The following ASB3 variants were observed in gnomAD, a reference collection of about 807,000 sequenced individuals.
The protein encoded by ASB3 is ankyrin repeat and SOCS box protein 3.
In ASB3, 41 loss-of-function variants were observed where a neutral mutation model predicts 54.5. The observed-to-expected ratio is 0.75, with a 90% CI of 0.59 to 0.98. ASB3 has a LOEUF of 0.98. Ranked by LOEUF, ASB3 falls within the 50% of genes least tolerant of loss-of-function variation. The pLI is 0.00. For missense variants in ASB3, 733 were observed against 620.0 expected (o/e 1.18, Z -1.94); for synonymous variants, 266 against 221.2 (o/e 1.20, Z -1.80).
intron 2 of ASB3, among the ~76,000 whole-genome samples, chr2:53,765,068 A>G (rs1220516031): frequency 5.9e-5 from 9 of 152,238 alleles, no homozygotes; most frequent in Non-Finnish European, 1.3e-4. Flanking sequence ...AGGAAGAAAG[A>G]ATAAACATGA....
In ASB3 at chr2:53,729,654, TACTC is replaced by T. The variant is rs1671192850; in HGVS notation, c.356-88_356-85del. On this transcript the variant is annotated intron_variant, in intron 3 of 9. Coordinates refer to ENST00000263634, the MANE Select transcript of ASB3 (RefSeq NM_016115.5). ...ACACTTTGGTGATGTTCTCATCACTTACTCACCTCAGAACCACAATGCTCTGATT... is the reference window on the plus strand; with the variant it reads ...ACACTTTGGTGATGTTCTCATCACTTACCTCAGAACCACAATGCTCTGATT... 5 of 1,151,904 alleles carry T rather than the reference TACTC, an allele frequency of 4.3e-6. No individual in the cohort carries two copies. In the South Asian group the frequency reaches 6.5e-5, roughly 15 times the overall value. The allele number at this position is 1,151,904 out of a possible 1,614,324, so 71.4% of individuals were successfully genotyped here. A position where few individuals can be genotyped will look rare whatever the true frequency, so the allele number is the denominator to read the frequency against.
At chr2:53,760,680 T>G (rs568602193) in intron 2 of ASB3, among the ~76,000 whole-genome samples, 1 of 152,200 alleles carries the variant, frequency 6.6e-6, no homozygotes, top group East Asian at 1.9e-4. Context: ...TAGGCATTGA[T>G]AGCACCCATC....
At chr2:53,756,263 G>A (rs1002772406) in intron 2 of ASB3, among the ~76,000 whole-genome samples, 4 of 152,118 alleles carry the variant, frequency 2.6e-5, no homozygotes, top group Non-Finnish European at 5.9e-5. Context: ...TCTAATAGTA[G>A]AATCCAGCAG....
chr2:53,715,558 A>G (rs1417675306), intron 6 of ASB3, among the ~76,000 whole-genome samples: 1 of 152,216 alleles, frequency 6.6e-6, no homozygotes, highest in Non-Finnish European at 1.5e-5. Flanking sequence ...TAAAGTTCAG[A>G]GTACAATATC....
chr2:53,686,918 C>T (rs1261884124), intron 9 of ASB3, among the ~76,000 whole-genome samples: 4 of 152,088 alleles, frequency 2.6e-5, no homozygotes, highest in Non-Finnish European at 5.9e-5. Context: ...ACAGGTTTCT[C>T]CATGTTTGTC....
At chr2:53,762,524 T>C (rs1395697740) in intron 2 of ASB3, among the ~76,000 whole-genome samples, 1 of 152,214 alleles carries the variant, frequency 6.6e-6, no homozygotes, top group Non-Finnish European at 1.5e-5. Context: ...TTATTTAACA[T>C]GAACTAATAA....
At chr2:53,702,762 A>C (rs1669561323) in intron 7 of ASB3, among the ~76,000 whole-genome samples, 1 of 152,238 alleles carries the variant, frequency 6.6e-6, no homozygotes, top group East Asian at 1.9e-4. Flanking sequence ...GTGCTCACAC[A>C]TAAAAGAAGC....
At chr2:53,681,332 G>T (rs1352583227) in intron 9 of ASB3, among the ~76,000 whole-genome samples, 1 of 152,144 alleles carries the variant, frequency 6.6e-6, no homozygotes, top group East Asian at 1.9e-4. Flanking sequence ...TCTTCTCTTT[G>T]TTGACCGTTT....
chr2:53,714,287 A>G, intron 7 of ASB3, 97 bp downstream of exon 7: 1 of 1,445,664 alleles, frequency 6.9e-7, no homozygotes, highest in Non-Finnish European at 9.3e-7. Flanking sequence ...TAGCACTAAC[A>G]GAGATACTAA....
chr2:53,744,384 C>CAAAAA lies in ASB3; in HGVS notation c.355+6394_355+6398dup, dbSNP rs779225958. Reference sequence around the variant, plus strand: ...GGGCAGACAGAGCGAGACTCTGTCTCAAAAAAATAAATAAAAAAATTAAAA... The same window carrying CAAAAA: ...GGGCAGACAGAGCGAGACTCTGTCTCAAAAAAAAAAAATAAATAAAAAAATTAAAA... On this transcript the variant is annotated intron_variant, in intron 3 of 9. Coordinates refer to ENST00000263634, the MANE Select transcript of ASB3 (RefSeq NM_016115.5). Among the ~76,000 whole-genome samples the CAAAAA allele has an allele frequency of 2.5e-3, 352 of 139,576 alleles. 9 individuals are homozygous for CAAAAA. The highest frequency in any genetic ancestry group is 7.6e-3 in the African/African-American group (269 of 35,370). 91.6% of individuals were successfully genotyped at this position (139,576 alleles called of 152,430 possible).
rs78694551 is a variant in ASB3 at position 53,751,676 on chromosome 2, A to T, written c.197-735T>A. On this transcript the variant is annotated intron_variant, in intron 2 of 9. Coordinates refer to ENST00000263634, the MANE Select transcript of ASB3 (RefSeq NM_016115.5). ...AGCTGGAATAAACTAAACAGAAAAT[A>T]AAAAAAAAAACTTAAACATTTTCTT... is the stretch of plus-strand genomic sequence containing the variant. 8.2e-5 allele frequency among the ~76,000 whole-genome samples: 12 copies of T among 146,196 alleles called. 1 individual carries two copies. The South Asian group carries it at 2.1e-3, about 26-fold the overall frequency.
At chr2:53,783,786 A>G (rs1374742825) in intron 1 of ASB3, among the ~76,000 whole-genome samples, 1 of 152,242 alleles carries the variant, frequency 6.6e-6, no homozygotes, top group Non-Finnish European at 1.5e-5. Context: ...ATTTTCAGAC[A>G]TATGAAGTCT....
chr2:53,705,393 A>C (rs1290366472), intron 7 of ASB3, among the ~76,000 whole-genome samples: 1 of 152,146 alleles, frequency 6.6e-6, no homozygotes, highest in Non-Finnish European at 1.5e-5. Flanking sequence ...AACAAAACAC[A>C]CAAAAAAAAC....
chr2:53,781,770 C>A (rs935479072), intron 1 of ASB3, among the ~76,000 whole-genome samples: 2 of 152,234 alleles, frequency 1.3e-5, no homozygotes, highest in African/African-American at 4.8e-5. Context: ...GCTGGGATTA[C>A]AGGCGTGAGC....
intron 3 of ASB3, among the ~76,000 whole-genome samples, chr2:53,734,976 G>C (rs1431072758): frequency 7.0e-6 from 1 of 143,702 alleles, no homozygotes; most frequent in Non-Finnish European, 1.5e-5. Flanking sequence ...CTGGAGTGCA[G>C]TGGTGCGATC....
At chr2:53,733,046 T>C (rs1463624225) in intron 3 of ASB3, among the ~76,000 whole-genome samples, 4 of 152,188 alleles carry the variant, frequency 2.6e-5, no homozygotes, top group Admixed American at 6.5e-5. Flanking sequence ...AGAAACTACC[T>C]AGCAAATAAA....
At chr2:53,704,669 T>G (rs1669674284) in intron 7 of ASB3, among the ~76,000 whole-genome samples, 1 of 152,132 alleles carries the variant, frequency 6.6e-6, no homozygotes, top group Non-Finnish European at 1.5e-5. Flanking sequence ...AAACTCAAAA[T>G]GAATAAGTCT....
intron 7 of ASB3, among the ~76,000 whole-genome samples, chr2:53,710,463 T>C (rs1041045190): frequency 6.6e-6 from 1 of 152,226 alleles, no homozygotes; most frequent in African/African-American, 2.4e-5. Context: ...ATTTCTAATA[T>C]CTGGACCATC....
intron 5 of ASB3, among the ~76,000 whole-genome samples, chr2:53,724,388 G>T (rs1050221514): frequency 2.0e-5 from 3 of 152,150 alleles, no homozygotes; most frequent in Admixed American, 6.5e-5. Flanking sequence ...CACGAGGTGA[G>T]GAGATCAAGA....
Sources: gnomAD v4.1 joint callset for allele counts (sites outside exome capture counted in the v4.1 genomes callset) on GRCh38, gnomAD v4.1.1 for gene constraint, MANE v1.5 for transcripts, NCBI Gene and HGNC (gene_info 2026-07-23, HGNC 2026-07-21) for gene names.